The following RERG variants were observed in gnomAD, a reference collection of about 807,000 sequenced individuals.
RERG encodes RAS like estrogen regulated growth inhibitor.
In RERG, 25 loss-of-function variants were observed where a neutral mutation model predicts 23.2. That is an observed-to-expected ratio of 1.08 (90% confidence interval 0.79 to 1.50). The LOEUF is 1.50. RERG is among the 40% of genes most tolerant of loss of function. RERG has a pLI of 0.00. For missense variants in RERG, 253 were observed against 250.1 expected (o/e 1.01, Z -0.08); for synonymous variants, 81 against 89.1 (o/e 0.91, Z 0.51).
chr12:15,138,118 G>A (rs1864175446), intron 2 of RERG: 1 of 239,068 alleles, frequency 4.2e-6, no homozygotes, highest in African/African-American at 2.3e-5. Flanking sequence ...TAATTTCTGA[G>A]GAGAAGTTTG....
intron 2 of RERG, among the ~76,000 whole-genome samples, chr12:15,188,200 C>T (rs1865020252): frequency 6.6e-6 from 1 of 152,158 alleles, no homozygotes; most frequent in South Asian, 2.1e-4. Context: ...TCATGTATTT[C>T]CAGCAGTGTT....
intron 2 of RERG, among the ~76,000 whole-genome samples, chr12:15,202,793 CA>C (rs1439670160): frequency 6.6e-6 from 1 of 151,646 alleles, no homozygotes; most frequent in Non-Finnish European, 1.5e-5. Context: ...ACCCTGATTT[CA>C]TTTCTTTTGG....
intron 2 of RERG, among the ~76,000 whole-genome samples, chr12:15,190,209 G>A (rs1385039924): frequency 6.6e-6 from 1 of 152,120 alleles, no homozygotes; most frequent in Admixed American, 6.6e-5. Flanking sequence ...GGTCCTCAGG[G>A]TTCCAGGGGT....
intron 2 of RERG, among the ~76,000 whole-genome samples, chr12:15,179,707 C>T (rs577427670): frequency 1.1e-3 from 172 of 152,068 alleles, no homozygotes; most frequent in Non-Finnish European, 1.6e-3. Flanking sequence ...TTCCAATTGC[C>T]ATCCCTGAAA....
At chr12:15,155,069 T>C (rs1864502352) in intron 2 of RERG, 1 of 152,114 alleles carries the variant, frequency 6.6e-6, no homozygotes, top group African/African-American at 2.4e-5. Flanking sequence ...AGCTAAGAGA[T>C]ATTCAGACTG....
At chr12:15,109,539 C>T (rs1197172142) in intron 4 of RERG, 22 bp from the exon 5 acceptor site, 3 of 1,550,942 alleles carry the variant, frequency 1.9e-6, no homozygotes, top group Non-Finnish European at 2.6e-6. Flanking sequence ...GAAAAATGGC[C>T]GTCAAGAGAC....
chr12:15,134,731 C>G (rs1001302959), intron 2 of RERG, among the ~76,000 whole-genome samples: 1 of 152,134 alleles, frequency 6.6e-6, no homozygotes, highest in African/African-American at 2.4e-5. Flanking sequence ...CCTCCTGCCT[C>G]AGCCTCCCAA....
chr12:15,219,675 G>A (rs1170346320), intron 1 of RERG, among the ~76,000 whole-genome samples: 4 of 152,180 alleles, frequency 2.6e-5, no homozygotes, highest in African/African-American at 7.2e-5. Flanking sequence ...ATGAGAAGAG[G>A]TGCTGGCAAG....
At chr12:15,148,751 T>TA (rs1864377227) in intron 2 of RERG, among the ~76,000 whole-genome samples, 1 of 151,902 alleles carries the variant, frequency 6.6e-6, no homozygotes, top group East Asian at 1.9e-4. Flanking sequence ...GCATCATTAT[T>TA]AACATGTCTA....
intron 3 of RERG, among the ~76,000 whole-genome samples, chr12:15,118,406 A>T (rs1202642752): frequency 6.6e-6 from 1 of 152,192 alleles, no homozygotes; most frequent in Admixed American, 6.5e-5. Context: ...CATGTTTCTC[A>T]GGAAAGCACT....
intron 2 of RERG, among the ~76,000 whole-genome samples, chr12:15,127,881 T>G (rs898714839): frequency 7.2e-5 from 11 of 152,166 alleles, no homozygotes; most frequent in African/African-American, 2.7e-4. Flanking sequence ...TAAGCTAATT[T>G]AATTTTCATA....
intron 2 of RERG, among the ~76,000 whole-genome samples, chr12:15,188,587 G>A: frequency 6.6e-6 from 1 of 151,918 alleles, no homozygotes; most frequent in Non-Finnish European, 1.5e-5. Flanking sequence ...AAATAAAGAT[G>A]TAATATATTT....
At chr12:15,159,067 A>C (rs1864565405) in intron 2 of RERG, among the ~76,000 whole-genome samples, 2 of 152,198 alleles carry the variant, frequency 1.3e-5, no homozygotes, top group African/African-American at 4.8e-5. Flanking sequence ...TAGTTTTCTA[A>C]CTTGTCATTT....
At chr12:15,219,693 T>C (rs1054876822) in intron 1 of RERG, among the ~76,000 whole-genome samples, 3 of 152,238 alleles carry the variant, frequency 2.0e-5, no homozygotes, top group Non-Finnish European at 4.4e-5. Context: ...AAGTATTTCT[T>C]TGAAACATTG....
intron 2 of RERG, among the ~76,000 whole-genome samples, chr12:15,211,284 T>TACACAC (rs56263472): frequency 0.05 from 7,162 of 142,784 alleles, 178 homozygotes; most frequent in East Asian, 0.11. Context: ...TGTCATTTTA[T>TACACAC]ACACACACAC....
intron 2 of RERG, among the ~76,000 whole-genome samples, chr12:15,127,063 C>T (rs1478752034): frequency 1.3e-5 from 2 of 152,178 alleles, no homozygotes; most frequent in South Asian, 2.1e-4. Flanking sequence ...ATCACCTCCT[C>T]TTTAAAGTCT....
intron 2 of RERG, among the ~76,000 whole-genome samples, chr12:15,129,494 C>A (rs1271892686): frequency 6.6e-6 from 1 of 152,144 alleles, no homozygotes; most frequent in Middle Eastern, 3.2e-3. Context: ...TTCATTTAGT[C>A]AATAAATATT....
At chr12:15,157,432 C>T (rs969338608) in intron 2 of RERG, among the ~76,000 whole-genome samples, 2 of 152,138 alleles carry the variant, frequency 1.3e-5, no homozygotes, top group Admixed American at 1.3e-4. Context: ...ATATGAATTC[C>T]CACTAGTTGG....
intron 2 of RERG, among the ~76,000 whole-genome samples, chr12:15,165,815 C>T (rs1864678316): frequency 6.6e-6 from 1 of 152,308 alleles, no homozygotes; most frequent in South Asian, 2.1e-4. Flanking sequence ...AACGGCCTCA[C>T]TCTTAATTTT....
Sources: gnomAD v4.1 joint callset for allele counts (sites outside exome capture counted in the v4.1 genomes callset) on GRCh38, gnomAD v4.1.1 for gene constraint, MANE v1.5 for transcripts, NCBI Gene and HGNC (gene_info 2026-07-23, HGNC 2026-07-21) for gene names.